The following TENM3 variants were observed in gnomAD, a reference collection of about 807,000 sequenced individuals.
The protein encoded by TENM3 is teneurin-3.
In TENM3, 63 loss-of-function variants were observed where a neutral mutation model predicts 255.1. That is an observed-to-expected ratio of 0.25 (90% CI 0.20 to 0.30). The LOEUF (loss-of-function observed/expected upper bound fraction) is 0.30. TENM3 is among the 10% of genes least tolerant of loss of function. The probability of loss-of-function intolerance (pLI) is 1.00; values close to 1 mark genes in which losing one functional copy is unlikely to be tolerated. For synonymous variants in TENM3, 1,306 were observed against 1,322.3 expected, an observed-to-expected ratio of 0.99 and a Z score of 0.27; for missense variants, 2,929 against 3,461.1, an observed-to-expected ratio of 0.85 and a Z score of 3.86.
chr4:182,083,627 T>C, the TENM3 span, among the ~76,000 whole-genome samples: 1 of 152,220 alleles, frequency 6.6e-6, no homozygotes, highest in Admixed American at 6.5e-5. Flanking sequence ...GAAATTTACA[T>C]GTCAAATCAC....
chr4:181,684,188 G>A, the TENM3 span, among the ~76,000 whole-genome samples: 1 of 152,218 alleles, frequency 6.6e-6, no homozygotes, highest in African/African-American at 2.4e-5. Flanking sequence ...GATTGATTCC[G>A]GTTCCTATGC....
At chr4:182,614,486 C>T (rs141717938) in intron 4 of TENM3, among the ~76,000 whole-genome samples, 28 of 152,166 alleles carry the variant, frequency 1.8e-4, no homozygotes, top group Non-Finnish European at 3.5e-4. Context: ...TACTGACTTA[C>T]TATGAGTATG....
intron 1 of TENM3, among the ~76,000 whole-genome samples, chr4:182,310,734 T>A (rs980524185): frequency 2.0e-5 from 3 of 151,454 alleles, no homozygotes; most frequent in African/African-American, 7.3e-5. Context: ...TGAGACAGAG[T>A]CTCACTCTGT....
chr4:182,369,605 G>T (rs1307990244), intron 3 of TENM3, among the ~76,000 whole-genome samples: 1 of 152,196 alleles, frequency 6.6e-6, no homozygotes, highest in Non-Finnish European at 1.5e-5. Context: ...TTCTGGCCAG[G>T]TGTAGTGGCT....
chr4:182,348,332 T>C (rs921100185), intron 3 of TENM3, among the ~76,000 whole-genome samples: 3 of 152,182 alleles, frequency 2.0e-5, no homozygotes, highest in African/African-American at 7.2e-5. Context: ...CCTGTGTTTC[T>C]ATCCATTTTC....
the TENM3 span, among the ~76,000 whole-genome samples, chr4:182,118,777 C>G: frequency 1.3e-5 from 2 of 152,138 alleles, no homozygotes; most frequent in African/African-American, 2.4e-5. Context: ...GATTGTCGAA[C>G]CAGCCTTACA....
intron 1 of TENM3, among the ~76,000 whole-genome samples, chr4:182,313,507 A>T (rs2150431061): frequency 6.6e-6 from 1 of 152,252 alleles, no homozygotes; most frequent in East Asian, 1.9e-4. Flanking sequence ...AAATATATAT[A>T]TATACACACA....
chr4:181,591,088 C>T, the TENM3 span, among the ~76,000 whole-genome samples: 1 of 152,202 alleles, frequency 6.6e-6, no homozygotes, highest in Non-Finnish European at 1.5e-5. Context: ...CATTGACAAA[C>T]ATGTTGGAAC....
chr4:181,465,454 TGTTGATTATTCTTG>T, the TENM3 span, among the ~76,000 whole-genome samples: 1 of 152,238 alleles, frequency 6.6e-6, no homozygotes, highest in East Asian at 1.9e-4. Context: ...ATTACCTTTG[TGTTGATTATTCTTG>T]AACTTCTCTC....
At chr4:181,747,743 T>A in the TENM3 span, among the ~76,000 whole-genome samples, 2 of 152,042 alleles carry the variant, frequency 1.3e-5, no homozygotes, top group Admixed American at 1.3e-4. Context: ...TCTTATCAAC[T>A]TTATAAATGA....
the TENM3 span, among the ~76,000 whole-genome samples, chr4:181,565,908 CG>C: frequency 2.0e-5 from 3 of 151,902 alleles, no homozygotes; most frequent in African/African-American, 7.3e-5. Context: ...TGATAAAGTG[CG>C]GAAGTAATCA....
intron 3 of TENM3, among the ~76,000 whole-genome samples, chr4:182,597,252 T>A (rs1049592225): frequency 5.9e-5 from 9 of 151,922 alleles, no homozygotes; most frequent in African/African-American, 1.9e-4. Context: ...AATTATATTT[T>A]AAAAAAATTA....
the TENM3 span, among the ~76,000 whole-genome samples, chr4:181,784,797 C>T: frequency 6.6e-6 from 1 of 152,184 alleles, no homozygotes; most frequent in South Asian, 2.1e-4. Flanking sequence ...TACCCTATTG[C>T]CCCCTCACCA....
chr4:182,128,130 G>A, the TENM3 span, among the ~76,000 whole-genome samples: 1 of 151,722 alleles, frequency 6.6e-6, no homozygotes, highest in Non-Finnish European at 1.5e-5. Flanking sequence ...TGTTGTTTTG[G>A]TCAAAAGGAT....
chr4:181,465,792 G>A, the TENM3 span, among the ~76,000 whole-genome samples: 1 of 152,226 alleles, frequency 6.6e-6, no homozygotes, highest in Non-Finnish European at 1.5e-5. Flanking sequence ...GTGAGCACCA[G>A]ACGGAGGAAA....
chr4:182,139,799 A>G (rs749653113), upstream of TENM3, among the ~76,000 whole-genome samples: 5 of 152,208 alleles, frequency 3.3e-5, no homozygotes, highest in Non-Finnish European at 7.3e-5. Flanking sequence ...ACGCAAATGC[A>G]TTTCCACCGA....
intron 18 of TENM3, 69 bp from the exon 19 acceptor site, chr4:182,743,101 T>G: frequency 6.7e-7 from 1 of 1,487,988 alleles, no homozygotes; most frequent in East Asian, 2.3e-5. Context: ...AAAACAATCA[T>G]GAACATGTTT....
intron 5 of TENM3, among the ~76,000 whole-genome samples, chr4:182,642,865 TAAC>T (rs1484599573): frequency 2.6e-5 from 4 of 152,204 alleles, no homozygotes; most frequent in Non-Finnish European, 4.4e-5. Context: ...TGATTTAAAA[TAAC>T]AATATTTGGG....
chr4:182,577,843 T>C (rs1456637083), intron 3 of TENM3, among the ~76,000 whole-genome samples: 1 of 152,202 alleles, frequency 6.6e-6, no homozygotes, highest in Non-Finnish European at 1.5e-5. Context: ...TATCCTAACA[T>C]GTAAACATTT....
Sources: allele counts gnomAD v4.1 joint callset (sites outside exome capture counted in the v4.1 genomes callset), GRCh38; gene constraint gnomAD v4.1.1; transcripts MANE v1.5; gene names NCBI Gene and HGNC (gene_info 2026-07-23, HGNC 2026-07-21).